Variants in TPTE observed in about 807,000 individuals in gnomAD.
TPTE encodes the protein transmembrane phosphatase with tensin homology.
A neutral mutation model predicts 84.1 loss-of-function variants in TPTE; 59 were observed. The ratio of observed to expected loss-of-function variants is 0.70; its 90% confidence interval spans 0.57 to 0.87. The LOEUF is 0.87. Among genes scored for constraint, TPTE ranks in the 40% least tolerant of loss-of-function variants. The pLI is 0.00. For synonymous variants in TPTE, 130 were observed against 223.5 expected (o/e 0.58, Z 3.73); for missense variants, 382 against 659.6 (o/e 0.58, Z 4.61).
intron 7 of TPTE, among the ~76,000 whole-genome samples, chr21:10,545,762 G>T (rs1330327680): frequency 4.0e-5 from 6 of 151,654 alleles, no homozygotes; most frequent in Admixed American, 2.6e-4. Context: ...TATAGATATA[G>T]ATACACATAT....
At chr21:10,562,554 T>TTG (rs1222174989) in intron 10 of TPTE, among the ~76,000 whole-genome samples, 13 of 152,424 alleles carry the variant, frequency 8.5e-5, no homozygotes, top group African/African-American at 3.1e-4. Context: ...TTAGATAAGT[T>TTG]TAACAAAGAG....
intron 14 of TPTE, among the ~76,000 whole-genome samples, chr21:10,574,141 G>A (rs2145719794): frequency 1.3e-5 from 2 of 152,430 alleles, no homozygotes; most frequent in South Asian, 4.1e-4. Flanking sequence ...CTCTGTGGAT[G>A]ACTAAATTAA....
intron 2 of TPTE, among the ~76,000 whole-genome samples, chr21:10,526,813 G>C (rs546474004): frequency 6.6e-6 from 1 of 152,428 alleles, no homozygotes; most frequent in East Asian, 1.9e-4. Flanking sequence ...GACAGATGTG[G>C]AGTGTATTTT....
At chr21:10,552,578 A>C in intron 7 of TPTE, 79 bp from the exon 8 acceptor site, 1 of 1,598,114 alleles carries the variant, frequency 6.3e-7, no homozygotes, top group Non-Finnish European at 8.5e-7. Context: ...GATTCTTGCT[A>C]TTCAAATATA....
intron 11 of TPTE, among the ~76,000 whole-genome samples, chr21:10,568,858 T>TC (rs1367966536): frequency 2.0e-5 from 3 of 152,306 alleles, no homozygotes; most frequent in Non-Finnish European, 2.9e-5. Flanking sequence ...GTCCAGACCA[T>TC]CAGTTCTCTG....
chr21:10,547,632 G>T (rs1464892703), intron 7 of TPTE, among the ~76,000 whole-genome samples: 2 of 152,310 alleles, frequency 1.3e-5, no homozygotes, highest in South Asian at 2.1e-4. Context: ...AGCACCATCT[G>T]GAGAACAGAG....
At chr21:10,573,857 C>A (rs538576770) in intron 14 of TPTE, among the ~76,000 whole-genome samples, 1 of 152,308 alleles carries the variant, frequency 6.6e-6, no homozygotes, top group Non-Finnish European at 1.5e-5. Context: ...GGCAAGAGTC[C>A]GAGGAGCGGC....
intron 3 of TPTE, among the ~76,000 whole-genome samples, chr21:10,537,880 CAAAA>C (rs1211258901): frequency 2.0e-5 from 3 of 152,300 alleles, no homozygotes; most frequent in Non-Finnish European, 2.9e-5. Flanking sequence ...AATGGAAAAA[CAAAA>C]AACTTTGACA....
At chr21:10,585,241 C>CAAAAAAAA (rs61644136) in intron 17 of TPTE, among the ~76,000 whole-genome samples, 1 of 144,202 alleles carries the variant, frequency 6.9e-6, no homozygotes, top group African/African-American at 2.5e-5. Flanking sequence ...AAAAATGAAA[C>CAAAAAAAA]AAAAAAAAAA....
At position 10,542,551 on chromosome 21, in the gene TPTE, C is replaced by G. The variant is rs1243368876; in HGVS notation, c.119+103C>G. ...ATACCCCATCCATCCATCCATCCAT[C>G]CATCCATCCATTCATCCATCCATCC... On this transcript the variant is annotated intron_variant, in intron 6 of 23. Coordinates refer to ENST00000618007, the MANE Select transcript of TPTE (RefSeq NM_199261.4). 19 of 1,389,926 alleles carry G rather than the reference C, an allele frequency of 1.4e-5. No homozygotes were observed. In the African/African-American group the frequency reaches 2.9e-4, roughly 21 times the overall value. The allele number at this position is 1,389,926 out of a possible 1,614,324, so 86.1% of individuals were successfully genotyped here. A position where few individuals can be genotyped will look rare whatever the true frequency, so the allele number is the denominator to read the frequency against.
At chr21:10,532,330 A>C (rs1308530843) in intron 3 of TPTE, among the ~76,000 whole-genome samples, 2 of 152,312 alleles carry the variant, frequency 1.3e-5, no homozygotes, top group African/African-American at 2.4e-5. Flanking sequence ...TATTTTAAAA[A>C]AATTTAGTTG....
intron 14 of TPTE, among the ~76,000 whole-genome samples, chr21:10,574,293 G>T (rs1353885696): frequency 2.0e-5 from 3 of 152,308 alleles, no homozygotes; most frequent in Admixed American, 2.0e-4. Context: ...GGTGGAAGGA[G>T]TACCTCTCTG....
intron 2 of TPTE, among the ~76,000 whole-genome samples, chr21:10,526,026 T>G (rs1345383082): frequency 2.0e-5 from 3 of 152,308 alleles, no homozygotes. Flanking sequence ...GAAACTCAAA[T>G]TCTTACCTTT....
At chr21:10,564,716 G>C (rs1042815614) in intron 10 of TPTE, among the ~76,000 whole-genome samples, 2 of 152,304 alleles carry the variant, frequency 1.3e-5, no homozygotes, top group Non-Finnish European at 2.9e-5. Flanking sequence ...CAATCAATGC[G>C]ATACATTATA....
intron 2 of TPTE, among the ~76,000 whole-genome samples, chr21:10,525,619 C>T (rs1433725057): frequency 2.0e-5 from 3 of 152,426 alleles, no homozygotes; most frequent in South Asian, 2.1e-4. Context: ...GTGTAGCTAA[C>T]CTTCAGCTAA....
At chr21:10,546,813 C>T (rs924442204) in intron 7 of TPTE, among the ~76,000 whole-genome samples, 7 of 152,414 alleles carry the variant, frequency 4.6e-5, no homozygotes, top group East Asian at 1.9e-4. Flanking sequence ...AAAAGCTTGA[C>T]GCTAAAAGGT....
chr21:10,528,593 T>TATA (rs1273769598), intron 3 of TPTE, among the ~76,000 whole-genome samples: 1 of 152,310 alleles, frequency 6.6e-6, no homozygotes, highest in East Asian at 1.9e-4. Context: ...CATAGAGCTT[T>TATA]ATAATAAGCT....
chr21:10,584,676 T>C (rs1337213948), intron 17 of TPTE, among the ~76,000 whole-genome samples: 2 of 152,308 alleles, frequency 1.3e-5, no homozygotes, highest in Non-Finnish European at 2.9e-5. Context: ...CTAATTTATC[T>C]ATAGATTCTT....
At chr21:10,576,543 T>C (rs1460463260) in intron 14 of TPTE, 1 of 153,234 alleles carries the variant, frequency 6.5e-6, no homozygotes. Flanking sequence ...AGAGTGTTCA[T>C]CTTTTTGACT....
Sources: gnomAD v4.1 joint callset for allele counts (sites outside exome capture counted in the v4.1 genomes callset) on GRCh38, gnomAD v4.1.1 for gene constraint, MANE v1.5 for transcripts, NCBI Gene and HGNC (gene_info 2026-07-23, HGNC 2026-07-21) for gene names.